KAZN: variants seen among roughly 807,000 people sequenced by gnomAD.
KAZN encodes the protein kazrin, periplakin interacting protein, also known as kazrin.
A neutral mutation model predicts 87.4 loss-of-function variants in KAZN; 40 were observed. The observed-to-expected ratio is 0.46, with a 90% CI of 0.36 to 0.60. The LOEUF (loss-of-function observed/expected upper bound fraction) is 0.60. Among genes scored for constraint, KAZN ranks in the 20% least tolerant of loss-of-function variants. KAZN has a pLI of 0.00. For synonymous variants in KAZN, 466 were observed against 458.3 expected, an observed-to-expected ratio of 1.02 and a Z score of -0.22; for missense variants, 898 against 1,073.9, an observed-to-expected ratio of 0.84 and a Z score of 2.29.
At chr1:14,287,023 T>C (rs1653305065) in intron 2 of KAZN, among the ~76,000 whole-genome samples, 1 of 152,042 alleles carries the variant, frequency 6.6e-6, no homozygotes, top group Non-Finnish European at 1.5e-5. Flanking sequence ...TACAATTGAG[T>C]TTTGTATATG....
intron 1 of KAZN, among the ~76,000 whole-genome samples, chr1:14,945,411 A>T (rs1661641822): frequency 6.6e-6 from 1 of 152,166 alleles, no homozygotes; most frequent in East Asian, 1.9e-4. Flanking sequence ...CTTGGCTTCC[A>T]GAGGGAGGAT....
intron 1 of KAZN, among the ~76,000 whole-genome samples, chr1:13,948,041 A>T (rs1049934490): frequency 6.6e-6 from 1 of 152,202 alleles, no homozygotes; most frequent in Non-Finnish European, 1.5e-5. Context: ...AATTCAGGAT[A>T]ATCTTTCCCA....
At chr1:14,611,201 A>T (rs1390908872) in intron 1 of KAZN, among the ~76,000 whole-genome samples, 1 of 152,038 alleles carries the variant, frequency 6.6e-6, no homozygotes, top group Non-Finnish European at 1.5e-5. Context: ...AGGTCCACTG[A>T]CTCCTAAGTG....
intron 2 of KAZN, among the ~76,000 whole-genome samples, chr1:14,961,565 G>A (rs1257322904): frequency 6.6e-6 from 1 of 152,178 alleles, no homozygotes; most frequent in East Asian, 1.9e-4. Context: ...ATTTGAGAAA[G>A]GTTGGAAGCC....
chr1:14,676,116 TC>T (rs1640203530), intron 1 of KAZN, among the ~76,000 whole-genome samples: 1 of 152,142 alleles, frequency 6.6e-6, no homozygotes, highest in Admixed American at 6.5e-5. Context: ...ATTTGGTTGT[TC>T]CTGGTTTTTT....
At chr1:14,785,575 CCTT>C (rs1414507782) in intron 1 of KAZN, among the ~76,000 whole-genome samples, 28 of 152,296 alleles carry the variant, frequency 1.8e-4, no homozygotes, top group Non-Finnish European at 4.4e-5. Flanking sequence ...CTCACCAACA[CCTT>C]CTCATCTTTT....
In KAZN at chr1:14,038,654, C is replaced by T. The variant is rs537465096; in HGVS notation, c.92-141781C>T. On this transcript the variant is annotated intron_variant, in intron 1 of 16. Transcript: ENST00000636203. ...CCTGGGCTCCACTGAAGAGAGTCCT[C>T]GGGAGGGGTGCAGGGTCTCTGCCTT... Among the ~76,000 whole-genome samples the T allele has an allele frequency of 7.5e-4, 114 of 152,192 alleles. 1 individual carries two copies. The highest frequency in any genetic ancestry group is 6.4e-3 in the South Asian group (31 of 4,812).
rs374146424 is a variant in KAZN at position 15,099,590 on chromosome 1, A to G, written c.1548-1953A>G. ...GTGCCTCCAGGAAACGGCCCCCAGG[A>G]CCCCAAGCCCCATGTGCGTTGGGGG... On this transcript the variant is annotated intron_variant, in intron 10 of 14. Coordinates refer to ENST00000376030, the MANE Select transcript of KAZN (RefSeq NM_201628.3). This position sits in a 1 kb window ranked among gnomAD's most constrained non-coding sequence, Gnocchi z 5.4. Among the ~76,000 whole-genome samples the G allele has an allele frequency of 5.3e-5, 8 of 152,096 alleles. No individual in the cohort carries two copies. The highest frequency in any genetic ancestry group is 1.4e-4 in the African/African-American group (6 of 41,480).
At chr1:14,816,975 A>G (rs1294860316) in intron 1 of KAZN, among the ~76,000 whole-genome samples, 1 of 152,164 alleles carries the variant, frequency 6.6e-6, no homozygotes, top group Non-Finnish European at 1.5e-5. Context: ...TCTATTTTCT[A>G]GAAGGGAAAC....
At chr1:14,495,112 G>A (rs113816501) in intron 2 of KAZN, among the ~76,000 whole-genome samples, 8 of 152,354 alleles carry the variant, frequency 5.3e-5, no homozygotes, top group African/African-American at 1.9e-4. Context: ...GGCATTATGA[G>A]TCTCCCAGAA....
At position 15,053,845 on chromosome 1, in the gene KAZN, A is replaced by G. The variant is rs1573201144; in HGVS notation, c.727-2246A>G. 2.6e-5 allele frequency among the ~76,000 whole-genome samples: 4 copies of G among 152,334 alleles called. No individual in the cohort carries two copies. In the East Asian group the frequency reaches 7.7e-4, roughly 29 times the overall value. ...AGGGGCAAGCCAGGTTGGCGGGGCA[A>G]GGCTGACACCCTCAGCTTAGCCTCT... On this transcript the variant is annotated intron_variant, in intron 4 of 14. Transcript: ENST00000376030.
intron 1 of KAZN, among the ~76,000 whole-genome samples, chr1:13,914,590 G>A (rs979146117): frequency 3.9e-5 from 6 of 152,142 alleles, no homozygotes; most frequent in Non-Finnish European, 8.8e-5. Context: ...CTCCTTCTTA[G>A]CTGACCATGG....
intron 2 of KAZN, among the ~76,000 whole-genome samples, chr1:14,276,316 T>C (rs1652352656): frequency 6.6e-6 from 1 of 152,110 alleles, no homozygotes; most frequent in Non-Finnish European, 1.5e-5. Flanking sequence ...TATGGGTTGT[T>C]TTTTCAACTC....
At chr1:14,733,046 G>T (rs1236390748) in intron 1 of KAZN, among the ~76,000 whole-genome samples, 4 of 152,122 alleles carry the variant, frequency 2.6e-5, no homozygotes, top group Non-Finnish European at 5.9e-5. Flanking sequence ...GCTCCAAACA[G>T]CTCCCTGGGT....
intron 1 of KAZN, among the ~76,000 whole-genome samples, chr1:14,811,845 A>T (rs1026665041): frequency 6.6e-6 from 1 of 152,196 alleles, no homozygotes; most frequent in African/African-American, 2.4e-5. Context: ...GGGGGAAATG[A>T]CAAACCCTGA....
At chr1:14,623,819 C>T (rs2148646127) in intron 1 of KAZN, among the ~76,000 whole-genome samples, 1 of 151,390 alleles carries the variant, frequency 6.6e-6, no homozygotes, top group East Asian at 1.9e-4. Flanking sequence ...TATTTATTTT[C>T]TAAATATTTT....
chr1:14,457,905 C>T (rs1312108351), intron 2 of KAZN, among the ~76,000 whole-genome samples: 1 of 151,226 alleles, frequency 6.6e-6, no homozygotes, highest in Non-Finnish European at 1.5e-5. Flanking sequence ...GCAAGCTCTG[C>T]CTCCCGTGTT....
At chr1:14,629,750 T>A (rs537804676) in intron 1 of KAZN, among the ~76,000 whole-genome samples, 52 of 152,258 alleles carry the variant, frequency 3.4e-4, no homozygotes, top group Middle Eastern at 6.8e-3. Context: ...AGTCAGGCAC[T>A]GAAGAAGGGT....
At chr1:14,637,126 A>C (rs531824345) in intron 1 of KAZN, among the ~76,000 whole-genome samples, 1 of 152,202 alleles carries the variant, frequency 6.6e-6, no homozygotes, top group South Asian at 2.1e-4. Flanking sequence ...CTCTCCCTCC[A>C]TACCTTGGGT....
Sources: gnomAD v4.1 joint callset for allele counts (sites outside exome capture counted in the v4.1 genomes callset) on GRCh38, gnomAD v4.1.1 for gene constraint, Gnocchi (gnomAD v3.1) non-coding constraint, MANE v1.5 for transcripts, NCBI Gene and HGNC (gene_info 2026-07-23, HGNC 2026-07-21) for gene names.